Variants in TOGARAM2 observed in about 807,000 individuals in gnomAD.
TOGARAM2 encodes the protein TOG array regulator of axonemal microtubules 2.
In TOGARAM2, 85 loss-of-function variants were observed where a neutral mutation model predicts 93.3. The observed-to-expected ratio is 0.91, with a 90% CI of 0.76 to 1.09. TOGARAM2 has a LOEUF of 1.09. TOGARAM2 is among the 50% of genes least tolerant of loss of function. TOGARAM2 has a pLI of 0.00. For missense variants in TOGARAM2, 1,277 were observed against 1,334.5 expected, an observed-to-expected ratio of 0.96 and a Z score of 0.67; for synonymous variants, 593 against 552.8, an observed-to-expected ratio of 1.07 and a Z score of -1.02.
At chr2:29,022,125 G>A (rs367920755) in intron 10 of TOGARAM2, 33 bp from the exon 11 acceptor site, 114 of 1,613,362 alleles carry the variant, frequency 7.1e-5, no homozygotes, top group Non-Finnish European at 9.1e-5. Context: ...GTCCTGCTGC[G>A]TGAAGCCTGC....
At chr2:29,000,349 A>C (rs1476207924) in intron 4 of TOGARAM2, among the ~76,000 whole-genome samples, 1 of 151,736 alleles carries the variant, frequency 6.6e-6, no homozygotes, top group Non-Finnish European at 1.5e-5. Flanking sequence ...CCCGATACTC[A>C]CTGGCTCTGG....
chr2:29,004,009 A>G (rs1673473700), intron 6 of TOGARAM2, among the ~76,000 whole-genome samples: 1 of 152,136 alleles, frequency 6.6e-6, no homozygotes, highest in Non-Finnish European at 1.5e-5. Context: ...CATATATATA[A>G]TTTTGAGATG....
At position 29,026,852 on chromosome 2, in the gene TOGARAM2, G is replaced by A; in HGVS notation, c.1854-1G>A. On this transcript the variant is annotated splice_acceptor_variant, in intron 13 of 19. Coordinates refer to ENST00000379558, the MANE Select transcript of TOGARAM2 (RefSeq NM_199280.4). LOFTEE classifies it high-confidence loss of function. ...ACCCCTGGGCCATGATTTCCTTTCAGCCACCGGAACCCCTTGATCCGGAAA... is the reference window on the plus strand; with the variant it reads ...ACCCCTGGGCCATGATTTCCTTTCAACCACCGGAACCCCTTGATCCGGAAA... The A allele has an allele frequency of 6.3e-7, 1 of 1,582,666 alleles. No individual in the cohort carries two copies. The highest frequency in any genetic ancestry group is 2.3e-5 in the East Asian group (1 of 43,572).
intron 14 of TOGARAM2, among the ~76,000 whole-genome samples, chr2:29,028,817 C>T (rs926715019): frequency 6.6e-5 from 10 of 152,130 alleles, no homozygotes; most frequent in African/African-American, 1.7e-4. Flanking sequence ...GTTTCAAAGA[C>T]GAACTGAAGA....
rs140272239 is a variant in TOGARAM2 at position 29,036,612 on chromosome 2, C to T, written c.2490C>T (p.Phe830=). The change falls in exon 18 of 20, where the codon TTC becomes TTT. Residue 830 remains phenylalanine, a synonymous_variant. Transcript: ENST00000379558. ...KKVNQWALES[F]AKMIPLLRES... Reference sequence around the variant, plus strand: ...TGAACCAGTGGGCGCTGGAGTCCTTCGCCAAGATGATCCCCCTCCTCAGAG... The same window carrying T: ...TGAACCAGTGGGCGCTGGAGTCCTTTGCCAAGATGATCCCCCTCCTCAGAG... 525 of 1,614,000 alleles carry T rather than the reference C, an allele frequency of 3.3e-4. No homozygotes were observed. The highest frequency in any genetic ancestry group is 3.2e-3 in the African/African-American group (243 of 75,040).
chr2:28,961,245 C>T (rs891660148), intron 1 of TOGARAM2, among the ~76,000 whole-genome samples: 2 of 152,054 alleles, frequency 1.3e-5, no homozygotes, highest in African/African-American at 4.8e-5. Context: ...CAAGTGTCCT[C>T]AGTTTCCAGA....
chr2:29,022,270 G>A lies in TOGARAM2; in HGVS notation c.1473G>A (p.Gly491=). Residue 491 remains glycine, a synonymous_variant, in exon 11 of 20, where the codon GGG becomes GGA. Transcript: ENST00000379558. ...ELRPFSNPEL[G]LRDALQCLNS... is the part of the protein sequence containing the mutation. ...GGCCTTTCTCGAACCCGGAGCTGGG[G>A]CTGAGGGATGCACTCCAGTGCCTCA... 2 of 1,614,042 alleles carry A rather than the reference G, an allele frequency of 1.2e-6. No homozygotes were observed. The highest frequency in any genetic ancestry group is 1.7e-6 in the Non-Finnish European group (2 of 1,179,892).
rs756775920 is a variant in TOGARAM2 at position 29,023,200 on chromosome 2, C to A, written c.1617+9C>A. On this transcript the variant is annotated intron_variant, in intron 12 of 19. Transcript: ENST00000379558. ...TGGTGGTGACTGGGGAGGTGAGGCC[C>A]CCCAGCCTGTGTGCTGTGCATTTGG... 2 of 1,570,586 alleles carry A rather than the reference C, an allele frequency of 1.3e-6. No individual in the cohort carries two copies. The highest frequency in any genetic ancestry group is 2.7e-5 in the African/African-American group (2 of 73,948).
rs1027735519 is a variant in TOGARAM2, at chr2:29,052,104, G to A, written c.*11G>A. 1 of 1,533,664 alleles carries A rather than the reference G, an allele frequency of 6.5e-7. No homozygotes were observed. Among genetic ancestry groups the A allele is most frequent in the Non-Finnish European group, 8.8e-7 (1 of 1,139,826 alleles). On this transcript the variant is annotated 3_prime_UTR_variant, in exon 20 of 20. Transcript: ENST00000379558. ...TTTCAGCTGGATTAAAGATGGATCT[G>A]AAATGGGCAATTATTATTTATCTTA...
At chr2:29,029,649 A>G (rs902478085) in intron 14 of TOGARAM2, among the ~76,000 whole-genome samples, 11 of 148,576 alleles carry the variant, frequency 7.4e-5, no homozygotes, top group South Asian at 2.2e-4. Context: ...CCAGCTACTC[A>G]GGAGGCTGAG....
chr2:29,048,494 C>A (rs185229923), intron 19 of TOGARAM2: 1 of 152,264 alleles, frequency 6.6e-6, no homozygotes, highest in East Asian at 1.9e-4. Context: ...GGCACTAGCT[C>A]CCCATTCCTC....
At chr2:29,035,997 G>C (rs1666085071) in intron 17 of TOGARAM2, among the ~76,000 whole-genome samples, 1 of 152,118 alleles carries the variant, frequency 6.6e-6, no homozygotes, top group Non-Finnish European at 1.5e-5. Context: ...AGGTGACTTG[G>C]CTGTGATGGC....
At chr2:29,017,128 TAG>T (rs1558436839) in intron 8 of TOGARAM2, 24 bp from the exon 9 acceptor site, 2 of 1,605,952 alleles carry the variant, frequency 1.2e-6, no homozygotes, top group East Asian at 4.5e-5. Context: ...GGGAGGTTAA[TAG>T]AGTTTGCCTT....
chr2:29,052,073 T>C lies in TOGARAM2; in HGVS notation c.3040T>C (p.Tyr1014His). 6.3e-7 allele frequency: 1 copy of C among 1,587,934 alleles called. No homozygotes were observed. The highest frequency in any genetic ancestry group is 8.6e-7 in the Non-Finnish European group (1 of 1,163,482). ...TGACAGCAAGACAACTGGCAGCTCATACCCTTTTCAGCTGGATTAAAGATG... is the reference window on the plus strand; with the variant it reads ...TGACAGCAAGACAACTGGCAGCTCACACCCTTTTCAGCTGGATTAAAGATG... ...APDSKTTGSSYPFQLD is the reference protein window; with the variant it reads ...APDSKTTGSSHPFQLD The change falls in exon 20 of 20, where the codon TAC (tyrosine) becomes CAC (histidine). Residue 1014 changes from tyrosine to histidine, a missense_variant. By Grantham distance (83) the Tyr-to-His change is moderately conservative. Transcript: ENST00000379558.
chr2:28,985,955 A>C (rs951217141), intron 1 of TOGARAM2, among the ~76,000 whole-genome samples: 28 of 152,134 alleles, frequency 1.8e-4, no homozygotes, highest in Middle Eastern at 6.8e-3. Flanking sequence ...AATACACACA[A>C]AAAAATAACT....
intron 1 of TOGARAM2, among the ~76,000 whole-genome samples, chr2:28,960,954 A>T (rs1671798156): frequency 6.6e-6 from 1 of 152,256 alleles, no homozygotes. Context: ...ATCAAAGGTG[A>T]TGCTGTATAC....
chr2:29,029,660 G>A (rs1317322977), intron 14 of TOGARAM2, among the ~76,000 whole-genome samples: 1 of 148,304 alleles, frequency 6.7e-6, no homozygotes, highest in Admixed American at 6.9e-5. Flanking sequence ...GGAGGCTGAG[G>A]CAGGAGAATG....
At chr2:29,022,118 C>G in intron 10 of TOGARAM2, 40 bp from the exon 11 acceptor site, 1 of 1,613,154 alleles carries the variant, frequency 6.2e-7, no homozygotes, top group African/African-American at 1.3e-5. Context: ...CTTGCCTGTC[C>G]TGCTGCGTGA....
intron 1 of TOGARAM2, among the ~76,000 whole-genome samples, chr2:28,988,321 T>C (rs1427102889): frequency 6.6e-6 from 1 of 152,158 alleles, no homozygotes; most frequent in Non-Finnish European, 1.5e-5. Flanking sequence ...CCAGCTCTCA[T>C]GTGCAGCAGA....
Sources: gnomAD v4.1 joint callset for allele counts (sites outside exome capture counted in the v4.1 genomes callset) on GRCh38, gnomAD v4.1.1 for gene constraint, MANE v1.5 for transcripts, NCBI Gene and HGNC (gene_info 2026-07-23, HGNC 2026-07-21) for gene names.